Variants in UROS observed in about 807,000 individuals in gnomAD.
The protein encoded by UROS is uroporphyrinogen-III synthase.
Under a neutral mutation model 33.0 loss-of-function variants are expected in UROS, and 18 were observed. The observed-to-expected ratio is 0.55, with a 90% CI of 0.38 to 0.81. UROS has a LOEUF of 0.81. UROS is among the 30% of genes least tolerant of loss of function. UROS has a pLI of 0.00. For missense variants in UROS, 293 were observed against 314.9 expected (o/e 0.93, Z 0.53); for synonymous variants, 114 against 121.1 (o/e 0.94, Z 0.38).
intron 6 of UROS, among the ~76,000 whole-genome samples, chr10:125,799,411 T>TG (rs1851627061): frequency 6.6e-6 from 1 of 152,164 alleles, no homozygotes; most frequent in Admixed American, 6.5e-5. Flanking sequence ...ATGTGTGTGT[T>TG]GGGGAATGCA....
chr10:125,818,630 C>G (rs564206568), intron 1 of UROS, among the ~76,000 whole-genome samples: 1 of 152,264 alleles, frequency 6.6e-6, no homozygotes, highest in South Asian at 2.1e-4. Context: ...GTTAACATGT[C>G]GCCACCTTGG....
intron 9 of UROS, among the ~76,000 whole-genome samples, chr10:125,790,308 A>G (rs1850824090): frequency 1.3e-5 from 2 of 152,238 alleles, no homozygotes; most frequent in Admixed American, 6.5e-5. Context: ...GTTCAGAGCT[A>G]AAACTACACA....
downstream of UROS, among the ~76,000 whole-genome samples, chr10:125,787,662 T>C (rs973835760): frequency 1.3e-4 from 20 of 152,210 alleles, no homozygotes; most frequent in African/African-American, 4.8e-4. Flanking sequence ...ACTTTGGTAC[T>C]ATGGTGAAAA....
rs1853344874 is a variant in UROS, at chr10:125,816,568, ACT to A, written c.-26-45_-26-44del. 9.4e-6 allele frequency: 15 copies of A among 1,597,600 alleles called. No homozygotes were observed. The South Asian group carries it at 1.5e-4, about 16-fold the overall frequency. On this transcript the variant is annotated intron_variant, in intron 1 of 9. Transcript: ENST00000368797. ...AACAGATCTTAATTAGATCTCAAAGACTCTTCCTAAGCAATTTCCGATGGGGA... is the reference window on the plus strand; with the variant it reads ...AACAGATCTTAATTAGATCTCAAAGACTTCCTAAGCAATTTCCGATGGGGA...
downstream of UROS, chr10:125,788,498 G>T: frequency 9.1e-7 from 1 of 1,104,430 alleles, no homozygotes; most frequent in Non-Finnish European, 1.1e-6. Flanking sequence ...TAGCAGGTTT[G>T]TGGGTTATCA....
At position 125,803,048 on chromosome 10, in the gene UROS, T is replaced by C. The variant is rs763059569; in HGVS notation, c.394+4365A>G. On this transcript the variant is annotated intron_variant, in intron 6 of 9. Transcript: ENST00000368797. ...ACCTGAGGGAAGAGAAATGAGCATATTTTGGACTTGGACTAAGTATCTTTT... is the reference window on the plus strand; with the variant it reads ...ACCTGAGGGAAGAGAAATGAGCATACTTTGGACTTGGACTAAGTATCTTTT... 2.5e-6 allele frequency: 4 copies of C among 1,612,848 alleles called. No individual in the cohort carries two copies. In the South Asian group the frequency reaches 4.4e-5, roughly 18 times the overall value.
intron 5 of UROS, among the ~76,000 whole-genome samples, chr10:125,810,619 G>A (rs183039690): frequency 5.7e-4 from 86 of 152,194 alleles, no homozygotes; most frequent in African/African-American, 2.0e-3. Flanking sequence ...AATTTGTTAC[G>A]CAGCAAAGAT....
At chr10:125,807,364 G>T in intron 6 of UROS, 49 bp downstream of exon 6, 3 of 1,529,032 alleles carry the variant, frequency 2.0e-6, no homozygotes, top group Non-Finnish European at 2.7e-6. Flanking sequence ...TGGTTGTGAG[G>T]TCAACAAAAA....
rs1382236918 is a variant in UROS, at chr10:125,807,471, C to T, written c.336G>A (p.Leu112=). Reference sequence around the variant, plus strand: ...TTCCACAGGTTTCTCCTTCTGTATCCAGGCCAATTTTACTCACTGGAAAAC... The same window carrying T: ...TTCCACAGGTTTCTCCTTCTGTATCTAGGCCAATTTTACTCACTGGAAAAC... The part of the protein sequence containing the change: ...ATASLVSKIG[L]DTEGETCGNA... The change falls in exon 6 of 10, where the codon CTG becomes CTA. Residue 112 remains leucine (L), a synonymous_variant. Transcript: ENST00000368797. 6.2e-7 allele frequency: 1 copy of T among 1,614,034 alleles called. No individual in the cohort carries two copies. Among genetic ancestry groups the T allele is most frequent in the Non-Finnish European group, 8.5e-7 (1 of 1,179,968 alleles).
At position 125,823,248 on chromosome 10, in the gene UROS, C is replaced by T; in HGVS notation, c.-246G>A. The T allele has an allele frequency of 3.7e-6, 1 of 273,904 alleles. No individual in the cohort carries two copies. The allele number at this position is 273,904 out of a possible 1,614,324, so 17.0% of individuals were successfully genotyped here. On this transcript the variant is annotated 5_prime_UTR_variant, in exon 1 of 10. Transcript: ENST00000368797. ...GTGGGTGGCTGCGCGCAGCTAGGCG[C>T]TCGCGCATGCGCACCGCCATCCAGG...
chr10:125,816,082 T>TA, intron 3 of UROS, 95 bp downstream of exon 3: 1 of 1,246,010 alleles, frequency 8.0e-7, no homozygotes, highest in Non-Finnish European at 1.2e-6. Flanking sequence ...AGTTTGGGAA[T>TA]AAAATAAGAA....
At position 125,815,363 on chromosome 10, in the gene UROS, C is replaced by G. The variant is rs540744844; in HGVS notation, c.148-233G>C. Among the ~76,000 whole-genome samples, 4 of 152,248 alleles carry G rather than the reference C, an allele frequency of 2.6e-5. No individual in the cohort carries two copies. In the East Asian group the frequency reaches 5.8e-4, roughly 22 times the overall value. ...TTCCCAGTATTTCCCTCAGGAAGCT[C>G]AGAGTCTAGGGCAGAGACAGTGAAA... On this transcript the variant is annotated intron_variant, in intron 3 of 9. Coordinates refer to ENST00000368797, the MANE Select transcript of UROS (RefSeq NM_000375.3).
At chr10:125,792,497 C>T (rs1851019137) in intron 9 of UROS, 4 of 152,246 alleles carry the variant, frequency 2.6e-5, no homozygotes, top group Admixed American at 2.6e-4. Context: ...ACCCACCTCA[C>T]AGGCTGCAAG....
intron 1 of UROS, among the ~76,000 whole-genome samples, chr10:125,822,364 G>C (rs2133988036): frequency 6.6e-6 from 1 of 151,266 alleles, no homozygotes; most frequent in African/African-American, 2.4e-5. Flanking sequence ...CGCCCAGGCT[G>C]GAGTGTGGAG....
intron 7 of UROS, among the ~76,000 whole-genome samples, chr10:125,797,454 ATC>A (rs1186651079): frequency 2.0e-5 from 3 of 152,206 alleles, no homozygotes; most frequent in Admixed American, 6.5e-5. Context: ...GAGAATTCAA[ATC>A]TGTTTTTATC....
At chr10:125,815,700 C>T (rs1853257195) in intron 3 of UROS, among the ~76,000 whole-genome samples, 1 of 152,170 alleles carries the variant, frequency 6.6e-6, no homozygotes, top group African/African-American at 2.4e-5. Context: ...TTTTATCACT[C>T]CTCACTGGAA....
chr10:125,823,175 G>A lies in UROS; in HGVS notation c.-173C>T, dbSNP rs1130699. On this transcript the variant is annotated 5_prime_UTR_variant, in exon 1 of 10. Coordinates refer to ENST00000368797, the MANE Select transcript of UROS (RefSeq NM_000375.3). ...CCCACGCAGCCCGAGGGGCCGCGGC[G>A]GCCACCCGCGCCGGGCCCCAGGACC... The A allele has an allele frequency of 2.3e-5, 4 of 175,108 alleles. No individual in the cohort carries two copies. Among genetic ancestry groups the A allele is most frequent in the Non-Finnish European group, 3.6e-5 (3 of 83,202 alleles). 10.8% of individuals were successfully genotyped at this position (175,108 alleles called of 1,614,324 possible). A position where few individuals can be genotyped will look rare whatever the true frequency, so the allele number is the denominator to read the frequency against.
At chr10:125,801,380 G>A (rs369405204) in intron 6 of UROS, among the ~76,000 whole-genome samples, 1 of 152,184 alleles carries the variant, frequency 6.6e-6, no homozygotes, top group Non-Finnish European at 1.5e-5. Flanking sequence ...GAATCTATCA[G>A]AACAATGAGT....
Position 125,796,099 on chromosome 10 carries a change from G to T in UROS, c.561+4C>A. On this transcript the variant is annotated splice_donor_region_variant and intron_variant, in intron 8 of 9. Coordinates refer to ENST00000368797, the MANE Select transcript of UROS (RefSeq NM_000375.3). Reference sequence around the variant, plus strand: ...TGCCAGAACCGCCCCCAAACGCCACGTACCTGCTGGGAATAGTAGCTGTTC... The same window carrying T: ...TGCCAGAACCGCCCCCAAACGCCACTTACCTGCTGGGAATAGTAGCTGTTC... 1 of 1,614,056 alleles carries T rather than the reference G, an allele frequency of 6.2e-7. No homozygotes were observed. The highest frequency in any genetic ancestry group is 8.5e-7 in the Non-Finnish European group (1 of 1,180,014).
Sources: gnomAD v4.1 joint callset for allele counts (sites outside exome capture counted in the v4.1 genomes callset) on GRCh38, gnomAD v4.1.1 for gene constraint, MANE v1.5 for transcripts, NCBI Gene and HGNC (gene_info 2026-07-23, HGNC 2026-07-21) for gene names.